PTAFR: variants seen among roughly 807,000 people sequenced by gnomAD.
PTAFR encodes platelet activating factor receptor, also known as platelet-activating factor receptor.
PTAFR carries 8 observed loss-of-function variants against 14.7 expected under a neutral mutation model. That is an observed-to-expected ratio of 0.54 (90% CI 0.32 to 0.98). The LOEUF is 0.98. Among genes scored for constraint, PTAFR ranks in the 50% least tolerant of loss-of-function variants. PTAFR has a pLI of 0.04. For missense variants in PTAFR, 337 were observed against 451.2 expected, an observed-to-expected ratio of 0.75 and a Z score of 2.29; for synonymous variants, 156 against 176.5, an observed-to-expected ratio of 0.88 and a Z score of 0.92.
chr1:28,149,950 A>G lies in PTAFR; in HGVS notation c.*43T>C, dbSNP rs755520147. Reference sequence around the variant, plus strand: ...ATCCCTTCTTCCCCCAGCTCAGTCCATGATGTTCATGGAGGAGAAGACTTC... The same window carrying G: ...ATCCCTTCTTCCCCCAGCTCAGTCCGTGATGTTCATGGAGGAGAAGACTTC... On this transcript the variant is annotated 3_prime_UTR_variant, in exon 2 of 2. Coordinates refer to ENST00000373857, the MANE Select transcript of PTAFR (RefSeq NM_000952.5). 35 of 1,575,610 alleles carry G rather than the reference A, an allele frequency of 2.2e-5. No individual in the cohort carries two copies. The East Asian group carries it at 7.4e-4, about 33-fold the overall frequency.
chr1:28,189,482 G>A (rs374906894), intron 1 of PTAFR, among the ~76,000 whole-genome samples: 14 of 151,684 alleles, frequency 9.2e-5, no homozygotes, highest in East Asian at 5.9e-4. Flanking sequence ...GCATGGTGGC[G>A]CGCGCCTGTA....
intron 1 of PTAFR, among the ~76,000 whole-genome samples, chr1:28,191,878 C>A (rs1430474530): frequency 6.6e-6 from 1 of 151,696 alleles, no homozygotes; most frequent in Non-Finnish European, 1.5e-5. Flanking sequence ...CCAGCCTAGG[C>A]AACATGATGA....
chr1:28,156,775 C>A (rs1359252872), intron 1 of PTAFR, among the ~76,000 whole-genome samples: 1 of 152,186 alleles, frequency 6.6e-6, no homozygotes, highest in Non-Finnish European at 1.5e-5. Flanking sequence ...CCCAGTTCAT[C>A]CAGGACCGGC....
intron 1 of PTAFR, among the ~76,000 whole-genome samples, chr1:28,162,799 A>G (rs577277312): frequency 3.9e-4 from 55 of 139,682 alleles, no homozygotes; most frequent in African/African-American, 1.4e-3. Context: ...ACTGCACTCC[A>G]GCCTGGGCGA....
chr1:28,164,259 GAGGT>G (rs1646357865), intron 1 of PTAFR, among the ~76,000 whole-genome samples: 1 of 152,208 alleles, frequency 6.6e-6, no homozygotes, highest in African/African-American at 2.4e-5. Flanking sequence ...GGGGCCAGTT[GAGGT>G]CAAAAGTACA....
chr1:28,150,448 C>T lies in PTAFR; in HGVS notation c.574G>A (p.Val192Met), dbSNP rs146819045. 127 of 1,614,000 alleles carry T rather than the reference C, an allele frequency of 7.9e-5. No individual in the cohort carries two copies. The highest frequency in any genetic ancestry group is 1.0e-4 in the Non-Finnish European group (123 of 1,180,010). ...VPVLIIHIFI[V>M]FSFFLVFLII... Reference sequence around the variant, plus strand: ...AGGAAGACCAGGAAGAAGCTGAACACGATGAAGATGTGGATGATGAGGACT... The same window carrying T: ...AGGAAGACCAGGAAGAAGCTGAACATGATGAAGATGTGGATGATGAGGACT... Residue 192 changes from valine to methionine, a missense_variant, in exon 2 of 2, where the codon GTG (valine) becomes ATG (methionine). Transcript: ENST00000373857. The surrounding 1 kb of genome is among the most constrained non-coding windows in gnomAD (Gnocchi z 6.3).
chr1:28,165,403 C>CAAAA (rs36099131), intron 1 of PTAFR, among the ~76,000 whole-genome samples: 5 of 45,886 alleles, frequency 1.1e-4, no homozygotes, highest in African/African-American at 1.4e-4. Flanking sequence ...GACTCTGTCT[C>CAAAA]AAAAAAAAAA....
rs187685915 is a variant in PTAFR at position 28,189,646 on chromosome 1, C to T, written c.-39+4076G>A. 9.0e-4 allele frequency among the ~76,000 whole-genome samples: 136 copies of T among 151,542 alleles called. 1 individual carries two copies. The highest frequency in any genetic ancestry group is 3.0e-3 in the African/African-American group (124 of 41,342). Reference sequence around the variant, plus strand: ...TAAATAAATATAAATAAACATAATGCGATACTAAAAAAGCATGTTGCAGAG... The same window carrying T: ...TAAATAAATATAAATAAACATAATGTGATACTAAAAAAGCATGTTGCAGAG... On this transcript the variant is annotated intron_variant, in intron 1 of 1. Coordinates refer to the PTAFR transcript ENST00000305392.
At chr1:28,163,562 C>A (rs561336355) in intron 1 of PTAFR, among the ~76,000 whole-genome samples, 1 of 152,324 alleles carries the variant, frequency 6.6e-6, no homozygotes, top group East Asian at 1.9e-4. Flanking sequence ...TTACCATTTA[C>A]TTGCTGTATG....
intron 1 of PTAFR, among the ~76,000 whole-genome samples, chr1:28,154,151 G>C (rs904205666): frequency 6.6e-6 from 1 of 151,288 alleles, no homozygotes; most frequent in Non-Finnish European, 1.5e-5. Flanking sequence ...ACCTTCTTTG[G>C]AGCCAGGTAC....
chr1:28,167,633 A>ATTTTTTTTTTTTT lies in PTAFR; in HGVS notation c.-39+8946_-39+8958dup, dbSNP rs780344665. The stretch of plus-strand genomic sequence containing the variant: ...TATATTCAAAAGAACTGAAAACGGG[A>ATTTTTTTTTTTTT]TTTTTTTTTTTTTTTTTTTTTTTTT... On this transcript the variant is annotated intron_variant, in intron 1 of 1. Coordinates refer to ENST00000373857, the MANE Select transcript of PTAFR (RefSeq NM_000952.5). Among the ~76,000 whole-genome samples the ATTTTTTTTTTTTT allele has an allele frequency of 3.6e-4, 29 of 80,254 alleles. 3 individuals carry two copies. The highest frequency in any genetic ancestry group is 1.3e-3 in the African/African-American group (24 of 18,050). 52.6% of individuals were successfully genotyped at this position (80,254 alleles called of 152,430 possible).
intron 1 of PTAFR, among the ~76,000 whole-genome samples, chr1:28,167,574 T>A (rs1453489320): frequency 6.6e-6 from 1 of 150,790 alleles, no homozygotes; most frequent in Non-Finnish European, 1.5e-5. Flanking sequence ...TTAGAATGAT[T>A]ATATGACCCA....
chr1:28,162,829 CA>C (rs529755155), intron 1 of PTAFR, among the ~76,000 whole-genome samples: 241 of 59,158 alleles, frequency 4.1e-3, no homozygotes, highest in African/African-American at 0.011. Flanking sequence ...ACTTTGTCTC[CA>C]AAAAAAAAAA....
intron 1 of PTAFR, among the ~76,000 whole-genome samples, chr1:28,162,863 G>A (rs1406880908): frequency 7.1e-6 from 1 of 140,928 alleles, no homozygotes; most frequent in Non-Finnish European, 1.5e-5. Flanking sequence ...GACTCCATAT[G>A]TTAATAAGAT....
chr1:28,179,830 A>G (rs74437789), upstream of PTAFR, among the ~76,000 whole-genome samples: 16 of 152,016 alleles, frequency 1.1e-4, no homozygotes, highest in South Asian at 2.1e-4. Context: ...AAAAAAAAAA[A>G]GAAAATATGT....
chr1:28,183,052 G>A (rs1253513852), intron 1 of PTAFR, among the ~76,000 whole-genome samples: 1 of 152,092 alleles, frequency 6.6e-6, no homozygotes, highest in South Asian at 2.1e-4. Context: ...TTTTGTGTTT[G>A]TTTTTTAAAG....
chr1:28,193,409 T>C (rs1171674595), intron 1 of PTAFR, among the ~76,000 whole-genome samples: 1 of 152,036 alleles, frequency 6.6e-6, no homozygotes, highest in African/African-American at 2.4e-5. Flanking sequence ...GTTGTATCTG[T>C]GGATGATGAG....
intron 1 of PTAFR, among the ~76,000 whole-genome samples, chr1:28,173,674 G>C (rs929206009): frequency 2.0e-5 from 3 of 150,834 alleles, no homozygotes; most frequent in Non-Finnish European, 3.0e-5. Context: ...AAAGAGGAGG[G>C]GGGGCGGGGT....
intron 1 of PTAFR, among the ~76,000 whole-genome samples, chr1:28,165,407 AAAAAAAAAAAAAAAAAAAGG>A (rs1340604693): frequency 1.1e-5 from 1 of 93,720 alleles, no homozygotes; most frequent in East Asian, 3.1e-4. Flanking sequence ...CTGTCTCAAA[AAAAAAAAAAAAAAAAAAAGG>A]AAAAAAAAAA....
Sources: gnomAD v4.1 joint callset for allele counts (sites outside exome capture counted in the v4.1 genomes callset) on GRCh38, gnomAD v4.1.1 for gene constraint, Gnocchi (gnomAD v3.1) non-coding constraint, MANE v1.5 for transcripts, NCBI Gene and HGNC (gene_info 2026-07-23, HGNC 2026-07-21) for gene names.